The following RAD51B variants were observed in gnomAD, a reference collection of about 807,000 sequenced individuals.
The protein encoded by RAD51B is DNA repair protein RAD51 homolog 2.
Under a neutral mutation model 42.2 loss-of-function variants are expected in RAD51B, and 38 were observed. That is an observed-to-expected ratio of 0.90 (90% CI 0.70 to 1.18). RAD51B has a LOEUF of 1.18. Among genes scored for constraint, RAD51B ranks in the 50% most tolerant of loss-of-function variants. The probability of loss-of-function intolerance (pLI) is 0.00; values close to 1 mark genes in which losing one functional copy is unlikely to be tolerated. For synonymous variants in RAD51B, 154 were observed against 145.2 expected (o/e 1.06, Z -0.43); for missense variants, 373 against 400.7 (o/e 0.93, Z 0.59).
intron 7 of RAD51B, among the ~76,000 whole-genome samples, chr14:68,267,326 TG>T (rs2081012619): frequency 6.6e-6 from 1 of 152,112 alleles, no homozygotes; most frequent in Non-Finnish European, 1.5e-5. Flanking sequence ...TTTGCACAAC[TG>T]GGGTAAGACA....
intron 8 of RAD51B, among the ~76,000 whole-genome samples, chr14:68,408,744 T>A (rs879416830): frequency 3.9e-5 from 6 of 152,234 alleles, no homozygotes; most frequent in Non-Finnish European, 7.3e-5. Flanking sequence ...ATCACTATGA[T>A]TTTTAAAAAT....
chr14:68,403,315 C>CT (rs5809380), intron 8 of RAD51B, among the ~76,000 whole-genome samples: 66,254 of 147,764 alleles, frequency 0.45, 16,033 homozygotes, highest in South Asian at 0.59. Context: ...GTTTTTTTGA[C>CT]TTTTTTTTTT....
intron 7 of RAD51B, among the ~76,000 whole-genome samples, chr14:68,098,288 G>A (rs1037778561): frequency 1.6e-4 from 24 of 152,196 alleles, no homozygotes; most frequent in African/African-American, 5.6e-4. Context: ...CTTTTATTGA[G>A]TGCTTACTAT....
At chr14:68,105,768 A>G (rs8005286) in intron 7 of RAD51B, among the ~76,000 whole-genome samples, 2,940 of 152,048 alleles carry the variant, frequency 0.019, 101 homozygotes, top group African/African-American at 0.066. Context: ...CTCTTCTTCA[A>G]TGAAAGCAAC....
chr14:67,999,023 A>AC (rs2075433814), intron 7 of RAD51B, among the ~76,000 whole-genome samples: 1 of 151,520 alleles, frequency 6.6e-6, no homozygotes, highest in Non-Finnish European at 1.5e-5. Flanking sequence ...TGTCACCCTA[A>AC]CTTAGTAAGA....
At chr14:68,614,253 G>A (rs368138846), downstream of RAD51B, among the ~76,000 whole-genome samples, 4 of 152,162 alleles carry the variant, frequency 2.6e-5, no homozygotes, top group Middle Eastern at 3.2e-3. Flanking sequence ...GGAGGAGTTG[G>A]TCTGAGTTGA....
chr14:67,927,731 A>G (rs1396420125), intron 7 of RAD51B, among the ~76,000 whole-genome samples: 2 of 135,058 alleles, frequency 1.5e-5, no homozygotes, highest in East Asian at 2.0e-4. Flanking sequence ...GTGTGTGTGT[A>G]TTATATAATA....
At chr14:68,353,113 T>C (rs1467065141) in intron 8 of RAD51B, among the ~76,000 whole-genome samples, 1 of 152,194 alleles carries the variant, frequency 6.6e-6, no homozygotes, top group Non-Finnish European at 1.5e-5. Flanking sequence ...GCCTCTTCCC[T>C]AGCCTTTCCT....
At chr14:68,354,215 G>GTTTT (rs1566828163) in intron 8 of RAD51B, among the ~76,000 whole-genome samples, 2 of 103,408 alleles carry the variant, frequency 1.9e-5, no homozygotes, top group Admixed American at 2.3e-4. Context: ...TTGGTTTTTT[G>GTTTT]GTTTTTTTTT....
At chr14:67,824,720 C>T (rs971348258) in intron 2 of RAD51B, among the ~76,000 whole-genome samples, 32 of 151,774 alleles carry the variant, frequency 2.1e-4, no homozygotes, top group African/African-American at 7.3e-4. Flanking sequence ...TTATTTCATC[C>T]TATAGTCAGT....
At chr14:68,202,252 C>G (rs759431789) in intron 7 of RAD51B, among the ~76,000 whole-genome samples, 1 of 152,146 alleles carries the variant, frequency 6.6e-6, no homozygotes, top group Non-Finnish European at 1.5e-5. Flanking sequence ...GCTCTCTGAT[C>G]ACGGTGGTGG....
rs919242746 is a variant in RAD51B, at chr14:68,393,818, T to C, written c.854-17606T>C. Among the ~76,000 whole-genome samples, 4 of 152,336 alleles carry C rather than the reference T, an allele frequency of 2.6e-5. No individual in the cohort carries two copies. The South Asian group carries it at 6.2e-4, about 24-fold the overall frequency. On this transcript the variant is annotated intron_variant, in intron 8 of 10. Coordinates refer to ENST00000471583, the MANE Select transcript of RAD51B (RefSeq NM_133510.4). ...TTTACTCTCACAGAGGGTGATGTTT[T>C]TGGGGCCCTGAAATGTGTGGGAATG...
intron 10 of RAD51B, among the ~76,000 whole-genome samples, chr14:68,603,606 C>T (rs938786783): frequency 5.3e-5 from 8 of 152,132 alleles, no homozygotes; most frequent in Non-Finnish European, 1.2e-4. Flanking sequence ...CCCGAGACTT[C>T]CTTGTAAAAG....
At chr14:68,598,945 T>C (rs1025766534), downstream of RAD51B, among the ~76,000 whole-genome samples, 4 of 152,094 alleles carry the variant, frequency 2.6e-5, no homozygotes, top group African/African-American at 9.7e-5. Context: ...CCTCTTAAGA[T>C]ATCACTGAGA....
intron 11 of RAD51B, among the ~76,000 whole-genome samples, chr14:68,664,073 T>C (rs556138604): frequency 2.6e-5 from 4 of 152,324 alleles, no homozygotes; most frequent in African/African-American, 7.2e-5. Flanking sequence ...ACCAGGGAAT[T>C]TGGACCTCAG....
chr14:68,144,188 C>T (rs1327279611), intron 7 of RAD51B, among the ~76,000 whole-genome samples: 1 of 152,158 alleles, frequency 6.6e-6, no homozygotes, highest in African/African-American at 2.4e-5. Flanking sequence ...TCCTAAGGCC[C>T]AGAGAGCTCT....
downstream of RAD51B, among the ~76,000 whole-genome samples, chr14:68,479,711 C>T (rs1440403183): frequency 6.8e-6 from 1 of 146,882 alleles, no homozygotes; most frequent in Non-Finnish European, 1.5e-5. Context: ...CTCTGTCTCC[C>T]AGTCTGGAGT....
chr14:68,146,230 G>C (rs930500796), intron 7 of RAD51B, among the ~76,000 whole-genome samples: 1 of 152,272 alleles, frequency 6.6e-6, no homozygotes, highest in Admixed American at 6.5e-5. Context: ...TGGGCGGAAT[G>C]CCTGAGCTCA....
intron 7 of RAD51B, among the ~76,000 whole-genome samples, chr14:68,262,709 G>A (rs919243680): frequency 2.0e-5 from 3 of 152,112 alleles, no homozygotes; most frequent in Admixed American, 1.3e-4. Context: ...AAGCAGGAAG[G>A]TCATTCTCTT....
Sources: allele counts gnomAD v4.1 joint callset (sites outside exome capture counted in the v4.1 genomes callset), GRCh38; gene constraint gnomAD v4.1.1; transcripts MANE v1.5; gene names NCBI Gene and HGNC (gene_info 2026-07-23, HGNC 2026-07-21).